OSMR: variants seen among roughly 807,000 people sequenced by gnomAD.
OSMR encodes the protein oncostatin M receptor.
A neutral mutation model predicts 99.9 loss-of-function variants in OSMR; 81 were observed. The observed-to-expected ratio is 0.81, with a 90% CI of 0.68 to 0.97. OSMR has a LOEUF of 0.97. Among genes scored for constraint, OSMR ranks in the 50% least tolerant of loss-of-function variants. OSMR has a pLI of 0.00. For missense variants in OSMR, 1,099 were observed against 1,153.4 expected (o/e 0.95, Z 0.68); for synonymous variants, 406 against 410.4 (o/e 0.99, Z 0.13).
intron 7 of OSMR, among the ~76,000 whole-genome samples, chr5:38,902,070 G>T (rs747842225): frequency 1.4e-4 from 21 of 152,172 alleles, no homozygotes; most frequent in African/African-American, 4.3e-4. Flanking sequence ...AGCCTTTTGC[G>T]ACCAGCCAAA....
At chr5:38,848,766 C>T (rs1190575892) in intron 1 of OSMR, among the ~76,000 whole-genome samples, 1 of 151,996 alleles carries the variant, frequency 6.6e-6, no homozygotes, top group African/African-American at 2.4e-5. Flanking sequence ...TTGTTAATGG[C>T]TACGTGTTAT....
chr5:38,932,872 G>A lies in OSMR; in HGVS notation c.2368G>A (p.Glu790Lys). The change falls in exon 18 of 18, where the codon GAG becomes AAG. Residue 790 changes from glutamate (E) to lysine (K), a missense_variant and splice_region_variant. Transcript: ENST00000274276. ...SSILSLIKFK[E>K]NPHLIIMNVS... ...TTACATATTTTTGTTTCCTTTCTAG[G>A]AGAACCCTCACCTAATAATAATGAA... is the stretch of plus-strand genomic sequence containing the variant. 6.2e-7 allele frequency: 1 copy of A among 1,613,772 alleles called. No homozygotes were observed. Among genetic ancestry groups the A allele is most frequent in the Non-Finnish European group, 8.5e-7 (1 of 1,179,892 alleles).
chr5:38,921,877 C>A, intron 12 of OSMR, 83 bp downstream of exon 12: 1 of 1,181,820 alleles, frequency 8.5e-7, no homozygotes, highest in Non-Finnish European at 1.3e-6. Context: ...ACTTCACAGA[C>A]TTTGACTGTG....
At chr5:38,911,421 A>C (rs893192987) in intron 9 of OSMR, among the ~76,000 whole-genome samples, 2 of 152,190 alleles carry the variant, frequency 1.3e-5, no homozygotes, top group African/African-American at 4.8e-5. Flanking sequence ...AATCAGTAAC[A>C]AAAAGCCTAG....
rs114578632 is a variant in OSMR at position 38,917,882 on chromosome 5, C to G, written c.1362+260C>G. Among the ~76,000 whole-genome samples the G allele has an allele frequency of 2.9e-3, 435 of 152,068 alleles. 4 individuals are homozygous for G. Among genetic ancestry groups the G allele is most frequent in the African/African-American group, 0.01 (424 of 41,446 alleles). The stretch of plus-strand genomic sequence containing the variant: ...GGCCAGGCTTGACTTTTGCAGGGCC[C>G]AGGGCAAAGATGTAAGTAAACAACC... On this transcript the variant is annotated intron_variant, in intron 10 of 17. Transcript: ENST00000274276.
In OSMR at chr5:38,933,814, A is replaced by G. The variant is rs1746894200; in HGVS notation, c.*370A>G. Reference sequence around the variant, plus strand: ...TAGAAGTTCAGTTTTTACTGAGGAAATATTTCCATTAACAGCAATTATTAT... The same window carrying G: ...TAGAAGTTCAGTTTTTACTGAGGAAGTATTTCCATTAACAGCAATTATTAT... On this transcript the variant is annotated 3_prime_UTR_variant, in exon 18 of 18. Coordinates refer to ENST00000274276, the MANE Select transcript of OSMR (RefSeq NM_003999.3). 4.9e-6 allele frequency: 1 copy of G among 206,098 alleles called. No homozygotes were observed. The highest frequency in any genetic ancestry group is 9.9e-6 in the Non-Finnish European group (1 of 101,488). The allele number at this position is 206,098 out of a possible 1,614,324, so 12.8% of individuals were successfully genotyped here.
intron 1 of OSMR, among the ~76,000 whole-genome samples, chr5:38,861,710 C>T (rs1741339439): frequency 6.6e-6 from 1 of 150,928 alleles, no homozygotes; most frequent in Admixed American, 6.6e-5. Flanking sequence ...AGAGGCGCCC[C>T]TCACCTCGCG....
At chr5:38,857,850 T>G (rs2112098744) in intron 1 of OSMR, among the ~76,000 whole-genome samples, 1 of 152,148 alleles carries the variant, frequency 6.6e-6, no homozygotes, top group South Asian at 2.1e-4. Context: ...GTGTTTTTAG[T>G]AGAGATGGGG....
At chr5:38,848,388 G>A (rs1561323465) in intron 1 of OSMR, among the ~76,000 whole-genome samples, 2 of 152,300 alleles carry the variant, frequency 1.3e-5, no homozygotes, top group East Asian at 1.9e-4. Context: ...AGCTGTGTTG[G>A]TGGCTTCATA....
Position 38,924,555 on chromosome 5 carries a change from G to A in OSMR, c.2004G>A (p.Ala668=), listed in dbSNP as rs906816971. 3.7e-5 allele frequency: 60 copies of A among 1,613,930 alleles called. No individual in the cohort carries two copies. The highest frequency in any genetic ancestry group is 5.0e-5 in the Admixed American group (3 of 59,998). ...ACCATGTCTATCTGAAATCCAAGGC[G>A]AGGCAGTGCCACCCACGATTTGAAA... ...QGYHVYLKSK[A]RQCHPRFEKA... The change falls in exon 14 of 18, where the codon GCG becomes GCA. Residue 668 remains alanine, a synonymous_variant. Transcript: ENST00000274276.
chr5:38,897,133 T>C (rs1168472470), intron 7 of OSMR, among the ~76,000 whole-genome samples: 1 of 152,090 alleles, frequency 6.6e-6, no homozygotes, highest in Non-Finnish European at 1.5e-5. Context: ...TGTCTCTCTC[T>C]GGTTTTGGTA....
At chr5:38,847,541 C>T (rs1739958789) in intron 1 of OSMR, among the ~76,000 whole-genome samples, 1 of 152,134 alleles carries the variant, frequency 6.6e-6, no homozygotes, top group Non-Finnish European at 1.5e-5. Context: ...TGTCTCTCTC[C>T]TGGGCTGCTT....
rs1240995348 is a variant in OSMR, at chr5:38,933,105, C to T, written c.2601C>T (p.Asp867=). The change falls in exon 18 of 18, where the codon GAC becomes GAT. Residue 867 remains aspartate, a synonymous_variant. Transcript: ENST00000274276. The part of the protein sequence containing the change: ...ENLTYNQAAS[D]SGSCGHVPVS... ...TGACCTATAACCAGGCAGCTTCTGA[C>T]TCTGGCTCTTGTGGCCATGTTCCAG... The T allele has an allele frequency of 1.2e-6, 2 of 1,614,218 alleles. No individual in the cohort carries two copies. Among genetic ancestry groups the T allele is most frequent in the South Asian group, 1.1e-5 (1 of 91,084 alleles).
chr5:38,894,927 A>ATAT (rs2112477232), intron 7 of OSMR, among the ~76,000 whole-genome samples: 2 of 152,202 alleles, frequency 1.3e-5, no homozygotes, highest in East Asian at 3.9e-4. Flanking sequence ...TGCACACAAA[A>ATAT]TATACTGCAA....
chr5:38,903,069 C>T (rs533446084), intron 7 of OSMR, among the ~76,000 whole-genome samples: 1 of 152,284 alleles, frequency 6.6e-6, no homozygotes, highest in South Asian at 2.1e-4. Context: ...TTCTACTTCA[C>T]CAATGAGCCA....
At chr5:38,922,442 G>C (rs1177372627) in intron 12 of OSMR, among the ~76,000 whole-genome samples, 1 of 152,158 alleles carries the variant, frequency 6.6e-6, no homozygotes, top group Non-Finnish European at 1.5e-5. Context: ...GGAAGTGGAA[G>C]CAAAGCTTTC....
downstream of OSMR, among the ~76,000 whole-genome samples, chr5:38,936,893 A>G (rs1747071610): frequency 1.3e-5 from 2 of 152,248 alleles, no homozygotes; most frequent in South Asian, 4.1e-4. Context: ...CTTAAAATCA[A>G]TACCGAAGTA....
intron 11 of OSMR, among the ~76,000 whole-genome samples, chr5:38,920,590 C>T (rs1746183553): frequency 1.3e-5 from 2 of 152,216 alleles, no homozygotes; most frequent in African/African-American, 4.8e-5. Flanking sequence ...TAGGGCTACA[C>T]ATTCCTTTGG....
intron 7 of OSMR, among the ~76,000 whole-genome samples, chr5:38,901,698 A>G (rs958286531): frequency 2.6e-5 from 4 of 152,212 alleles, no homozygotes; most frequent in Non-Finnish European, 5.9e-5. Flanking sequence ...ATCAGCGTGC[A>G]TGGAGGTTTT....
Sources: allele counts gnomAD v4.1 joint callset (sites outside exome capture counted in the v4.1 genomes callset), GRCh38; gene constraint gnomAD v4.1.1; transcripts MANE v1.5; gene names NCBI Gene and HGNC (gene_info 2026-07-23, HGNC 2026-07-21).